Variants in PRKCI observed in about 807,000 individuals in gnomAD.
PRKCI encodes the protein protein kinase C iota, also known as protein kinase C iota type.
In PRKCI, 43 loss-of-function variants were observed where a neutral mutation model predicts 84.0. The ratio of observed to expected loss-of-function variants is 0.51; its 90% CI spans 0.40 to 0.66. The LOEUF (loss-of-function observed/expected upper bound fraction) is 0.66. Ranked by LOEUF, PRKCI falls within the 30% of genes least tolerant of loss-of-function variation. The pLI, the probability that PRKCI is intolerant of heterozygous loss-of-function variation, is 0.00. For synonymous variants in PRKCI, 216 were observed against 234.4 expected, an observed-to-expected ratio of 0.92 and a Z score of 0.72; for missense variants, 459 against 745.6, an observed-to-expected ratio of 0.62 and a Z score of 4.48.
chr3:170,287,294 G>T (rs1231309785), intron 12 of PRKCI, among the ~76,000 whole-genome samples: 3 of 151,960 alleles, frequency 2.0e-5, no homozygotes, highest in African/African-American at 7.3e-5. Flanking sequence ...CTGCACTCCA[G>T]TCTGGGTGAC....
chr3:170,276,499 C>T (rs1244431199), intron 8 of PRKCI, among the ~76,000 whole-genome samples: 1 of 150,932 alleles, frequency 6.6e-6, no homozygotes, highest in Non-Finnish European at 1.5e-5. Context: ...GATTATTGCA[C>T]AGGCACCCGT....
chr3:170,222,594 C>G lies in PRKCI; in HGVS notation c.-76C>G, dbSNP rs1257145435. 23 of 1,273,934 alleles carry G rather than the reference C, an allele frequency of 1.8e-5. No individual in the cohort carries two copies. The highest frequency in any genetic ancestry group is 2.4e-5 in the Non-Finnish European group (23 of 939,666). 78.9% of individuals were successfully genotyped at this position (1,273,934 alleles called of 1,614,324 possible). On this transcript the variant is annotated 5_prime_UTR_variant, in exon 1 of 18. Coordinates refer to ENST00000295797, the MANE Select transcript of PRKCI (RefSeq NM_002740.6). The stretch of plus-strand genomic sequence containing the variant: ...GCCGCGGTTCTCCGGCAAGCGCAGG[C>G]GGCGGAGTCCCCCACGGCGCCCGAA...
At position 170,255,350 on chromosome 3, in the gene PRKCI, G is replaced by A. The variant is rs111401359; in HGVS notation, c.224-4619G>A. Among the ~76,000 whole-genome samples the A allele has an allele frequency of 7.4e-3, 1,124 of 152,014 alleles. 19 individuals are homozygous for A. Among genetic ancestry groups the A allele is most frequent in the African/African-American group, 0.025 (1,037 of 41,488 alleles). On this transcript the variant is annotated intron_variant, in intron 2 of 17. Transcript: ENST00000295797. ...GCAGGGATTACAGGTGTGAGCCACC[G>A]CGCCTGGCTGAGATCTTTCACTTCT...
At position 170,222,509 on chromosome 3, in the gene PRKCI, C is replaced by T; in HGVS notation, c.-161C>T. On this transcript the variant is annotated 5_prime_UTR_variant, in exon 1 of 18. Transcript: ENST00000295797. The stretch of plus-strand genomic sequence containing the variant: ...GAGGAGCCGCGCGGTTCCGGCTGCT[C>T]CGGCGAGGCGACCCTTGGGTCGGCG... The T allele has an allele frequency of 1.7e-6, 1 of 583,566 alleles. No individual in the cohort carries two copies. The highest frequency in any genetic ancestry group is 3.3e-5 in the South Asian group (1 of 30,672). 36.1% of individuals were successfully genotyped at this position (583,566 alleles called of 1,614,324 possible).
chr3:170,282,633 G>C (rs1296149564), intron 11 of PRKCI, among the ~76,000 whole-genome samples: 1 of 150,370 alleles, frequency 6.7e-6, no homozygotes, highest in Non-Finnish European at 1.5e-5. Flanking sequence ...GAAGGCGGAG[G>C]TTGCAGTGAG....
At chr3:170,281,333 T>A in intron 10 of PRKCI, 70 bp downstream of exon 10, 1 of 1,247,022 alleles carries the variant, frequency 8.0e-7, no homozygotes, top group Non-Finnish European at 1.2e-6. Context: ...GTTAGAACCT[T>A]TCTGCCCTAA....
At chr3:170,269,357 A>G (rs753947723) in intron 5 of PRKCI, among the ~76,000 whole-genome samples, 3 of 152,170 alleles carry the variant, frequency 2.0e-5, no homozygotes, top group Non-Finnish European at 2.9e-5. Flanking sequence ...TTCCAGTAGC[A>G]CTGACATTTA....
intron 3 of PRKCI, among the ~76,000 whole-genome samples, chr3:170,261,960 A>C (rs182027404): frequency 4.0e-4 from 61 of 152,312 alleles, no homozygotes; most frequent in African/African-American, 1.4e-3. Flanking sequence ...AGTCAGTTTT[A>C]AGTCTTATTG....
Position 170,280,409 on chromosome 3 carries a change from C to T in PRKCI, c.882+6C>T. Reference sequence around the variant, plus strand: ...AGCTTGTTAATGATGATGAGGTAAGCACTGCATATTTTATTGCTTCTAAAC... The same window carrying T: ...AGCTTGTTAATGATGATGAGGTAAGTACTGCATATTTTATTGCTTCTAAAC... On this transcript the variant is annotated splice_donor_region_variant and intron_variant, in intron 9 of 17. Coordinates refer to ENST00000295797, the MANE Select transcript of PRKCI (RefSeq NM_002740.6). The T allele has an allele frequency of 1.2e-6, 2 of 1,603,758 alleles. No homozygotes were observed. The highest frequency in any genetic ancestry group is 1.7e-6 in the Non-Finnish European group (2 of 1,174,716).
chr3:170,276,642 G>T (rs754179810), intron 8 of PRKCI, among the ~76,000 whole-genome samples: 4 of 151,944 alleles, frequency 2.6e-5, no homozygotes, highest in Non-Finnish European at 5.9e-5. Flanking sequence ...TTTACTCAAG[G>T]TGGAATAAAG....
intron 3 of PRKCI, among the ~76,000 whole-genome samples, chr3:170,260,447 A>G (rs1329892451): frequency 6.6e-6 from 1 of 152,170 alleles, no homozygotes; most frequent in African/African-American, 2.4e-5. Context: ...CTTAAAGGTT[A>G]ATAGTGAAAC....
chr3:170,288,540 G>C (rs1034172628), intron 12 of PRKCI, among the ~76,000 whole-genome samples: 1 of 152,174 alleles, frequency 6.6e-6, no homozygotes, highest in East Asian at 1.9e-4. Flanking sequence ...CTTGAGGTCA[G>C]GAGTTTGAGA....
chr3:170,274,681 G>A (rs1278301801), intron 7 of PRKCI, among the ~76,000 whole-genome samples: 1 of 151,992 alleles, frequency 6.6e-6, no homozygotes, highest in African/African-American at 2.4e-5. Flanking sequence ...ATGCAATCTC[G>A]TAGTCATAGA....
chr3:170,232,461 G>C (rs975150445), intron 1 of PRKCI, among the ~76,000 whole-genome samples: 2 of 152,124 alleles, frequency 1.3e-5, no homozygotes, highest in African/African-American at 4.8e-5. Context: ...AACTTCCTGG[G>C]CTCAAGCTGC....
At chr3:170,251,520 C>T (rs1180525087) in intron 2 of PRKCI, among the ~76,000 whole-genome samples, 5 of 152,076 alleles carry the variant, frequency 3.3e-5, no homozygotes, top group Non-Finnish European at 5.9e-5. Flanking sequence ...ATAACAGGCT[C>T]AAAAATCACT....
intron 2 of PRKCI, among the ~76,000 whole-genome samples, chr3:170,238,535 C>T (rs1733039989): frequency 6.7e-6 from 1 of 149,128 alleles, no homozygotes. Flanking sequence ...TATCGATGGA[C>T]ATTTGGACTA....
rs375635351 is a variant in PRKCI at position 170,275,216 on chromosome 3, A to G, written c.647-13A>G. On this transcript the variant is annotated splice_polypyrimidine_tract_variant and intron_variant, in intron 7 of 17. Coordinates refer to ENST00000295797, the MANE Select transcript of PRKCI (RefSeq NM_002740.6). ...TTTTTTTTTTTTTTTAATGTTTGGTATTGGGTTTTTAGTAATTCCATATAA... is the reference window on the plus strand; with the variant it reads ...TTTTTTTTTTTTTTTAATGTTTGGTGTTGGGTTTTTAGTAATTCCATATAA... 14 of 1,313,334 alleles carry G rather than the reference A, an allele frequency of 1.1e-5. No homozygotes were observed. Among genetic ancestry groups the G allele is most frequent in the Non-Finnish European group, 1.3e-5 (13 of 1,026,386 alleles). The allele number at this position is 1,313,334 out of a possible 1,614,324, so 81.4% of individuals were successfully genotyped here. A position where few individuals can be genotyped will look rare whatever the true frequency, so the allele number is the denominator to read the frequency against.
At position 170,299,134 on chromosome 3, in the gene PRKCI, T is replaced by A. The variant is rs563355761; in HGVS notation, c.1703+24T>A. 26 of 1,379,366 alleles carry A rather than the reference T, an allele frequency of 1.9e-5. 1 individual carries two copies. The South Asian group carries it at 2.2e-4, about 12-fold the overall frequency. The allele number at this position is 1,379,366 out of a possible 1,614,324, so 85.4% of individuals were successfully genotyped here. A position where few individuals can be genotyped will look rare whatever the true frequency, so the allele number is the denominator to read the frequency against. On this transcript the variant is annotated intron_variant, in intron 17 of 17. Transcript: ENST00000295797. ...GAGTAAGTAATTCTGTACACTGAAA[T>A]TTTTTTTTAAGTTCTTTGGAAATCC... is the stretch of plus-strand genomic sequence containing the variant.
chr3:170,253,887 A>G (rs1241108948), intron 2 of PRKCI, among the ~76,000 whole-genome samples: 7 of 152,072 alleles, frequency 4.6e-5, no homozygotes, highest in African/African-American at 1.7e-4. Context: ...ACTTGAGGTC[A>G]GGAGTTCCAG....
Sources: allele counts gnomAD v4.1 joint callset (sites outside exome capture counted in the v4.1 genomes callset), GRCh38; gene constraint gnomAD v4.1.1; transcripts MANE v1.5; gene names NCBI Gene and HGNC (gene_info 2026-07-23, HGNC 2026-07-21).